Variants in TMEM59L observed in about 807,000 individuals in gnomAD.
TMEM59L encodes transmembrane protein 59-like.
In TMEM59L, 31 loss-of-function variants were observed where a neutral mutation model predicts 39.6. The ratio of observed to expected loss-of-function variants is 0.78; its 90% confidence interval spans 0.59 to 1.06. The LOEUF is 1.06. Among genes scored for constraint, TMEM59L ranks in the 50% least tolerant of loss-of-function variants. The probability of loss-of-function intolerance (pLI) is 0.00; values close to 1 mark genes in which losing one functional copy is unlikely to be tolerated. For missense variants in TMEM59L, 441 were observed against 451.3 expected (o/e 0.98, Z 0.21); for synonymous variants, 219 against 202.9 (o/e 1.08, Z -0.68).
In TMEM59L at chr19:18,614,121, G is replaced by A. The variant is rs1976402658; in HGVS notation, c.334G>A (p.Val112Met). 2 of 1,611,850 alleles carry A rather than the reference G, an allele frequency of 1.2e-6. No homozygotes were observed. The highest frequency in any genetic ancestry group is 1.7e-6 in the Non-Finnish European group (2 of 1,179,580). The stretch of plus-strand genomic sequence containing the variant: ...TCCCACAGCCTGCGTGGAAGCCTAT[G>A]TGAAGGAGGCAGAGCAGCAGGCCTG... ...ECEAACVEAY[V>M]KEAEQQACSH... The change falls in exon 3 of 8, where the codon GTG (valine) becomes ATG (methionine). Residue 112 changes from valine to methionine, a missense_variant. Coordinates refer to ENST00000262817, the MANE Select transcript of TMEM59L (RefSeq NM_012109.3).
intron 5 of TMEM59L, chr19:18,617,443 C>T (rs552540661): frequency 4.3e-4 from 208 of 480,672 alleles, no homozygotes; most frequent in African/African-American, 3.1e-3. Context: ...TTCCGTGTTC[C>T]GCCTCCCAGC....
intron 1 of TMEM59L, 122 bp downstream of exon 1, chr19:18,613,251 G>T: frequency 9.5e-7 from 1 of 1,055,450 alleles, no homozygotes; most frequent in Non-Finnish European, 1.2e-6. Context: ...CCGTGGGGAG[G>T]TGGGGGTCGG....
At chr19:18,619,182 G>A (rs893077887) in intron 7 of TMEM59L, among the ~76,000 whole-genome samples, 1 of 151,492 alleles carries the variant, frequency 6.6e-6, no homozygotes, top group South Asian at 2.1e-4. Context: ...TGTAGAGATG[G>A]GGACTATGTT....
At chr19:18,616,914 T>C in intron 4 of TMEM59L, 86 bp from the exon 5 acceptor site, 1 of 998,122 alleles carries the variant, frequency 1.0e-6, no homozygotes, top group Non-Finnish European at 1.5e-6. Context: ...CAGCTGGGCG[T>C]GGGACATGGC....
chr19:18,613,179 G>T, intron 1 of TMEM59L, 50 bp downstream of exon 1: 1 of 1,248,844 alleles, frequency 8.0e-7, no homozygotes, highest in Non-Finnish European at 1.0e-6. Flanking sequence ...GGATCTCTCC[G>T]AAGGAGGAGG....
intron 1 of TMEM59L, 29 bp from the exon 2 acceptor site, chr19:18,613,843 C>T (rs781356236): frequency 3.8e-6 from 6 of 1,565,616 alleles, no homozygotes; most frequent in Admixed American, 1.7e-5. Flanking sequence ...CTCCCCATGG[C>T]CTGAGCCCCC....
At chr19:18,619,044 T>TG (rs1489844409) in intron 7 of TMEM59L, among the ~76,000 whole-genome samples, 7 of 151,762 alleles carry the variant, frequency 4.6e-5, no homozygotes. Flanking sequence ...CAGGATGGAG[T>TG]GCAGTGGCAT....
chr19:18,614,399 G>C (rs1976406473), intron 3 of TMEM59L, among the ~76,000 whole-genome samples: 1 of 152,200 alleles, frequency 6.6e-6, no homozygotes, highest in Non-Finnish European at 1.5e-5. Context: ...ACCTTTTCAG[G>C]AATAAGTGGC....
intron 4 of TMEM59L, among the ~76,000 whole-genome samples, 184 bp from the exon 5 acceptor site, chr19:18,616,816 G>C (rs921200592): frequency 6.6e-6 from 1 of 152,164 alleles, no homozygotes; most frequent in African/African-American, 2.4e-5. Context: ...CTAAAGGATG[G>C]GGTTAAGGCA....
At chr19:18,618,687 A>ATG (rs1568447566) in intron 7 of TMEM59L, among the ~76,000 whole-genome samples, 195 bp downstream of exon 7, 1 of 131,404 alleles carries the variant, frequency 7.6e-6, no homozygotes, top group Non-Finnish European at 1.6e-5. Flanking sequence ...ATATATATAT[A>ATG]TAATATATAT....
chr19:18,616,284 T>C (rs943669436), intron 4 of TMEM59L, among the ~76,000 whole-genome samples, 157 bp downstream of exon 4: 3 of 152,244 alleles, frequency 2.0e-5, no homozygotes, highest in African/African-American at 7.2e-5. Context: ...CTCCATGCCT[T>C]GACTCTGCTT....
At chr19:18,617,372 CG>C (rs1568447109) in intron 5 of TMEM59L, 4 of 559,934 alleles carry the variant, frequency 7.1e-6, no homozygotes, top group Non-Finnish European at 1.4e-5. Flanking sequence ...ACCAGGGATC[CG>C]TGGTCCACCT....
chr19:18,615,934 A>G (rs761681635), intron 3 of TMEM59L, 41 bp from the exon 4 acceptor site: 1 of 1,604,068 alleles, frequency 6.2e-7, no homozygotes, highest in South Asian at 1.1e-5. Flanking sequence ...TTAATGCCCT[A>G]TTTCGGTGCC....
At chr19:18,613,725 T>C (rs1976395621) in intron 1 of TMEM59L, 147 bp from the exon 2 acceptor site, 4 of 639,352 alleles carry the variant, frequency 6.3e-6, no homozygotes, top group Admixed American at 5.7e-5. Flanking sequence ...CCACTAATAT[T>C]TGTAGCCTCT....
chr19:18,620,701 G>T lies in TMEM59L; in HGVS notation c.*165G>T, dbSNP rs564852734. 6.8e-6 allele frequency: 7 copies of T among 1,032,076 alleles called. No individual in the cohort carries two copies. The South Asian group carries it at 1.1e-4, about 16-fold the overall frequency. The allele number at this position is 1,032,076 out of a possible 1,614,324, so 63.9% of individuals were successfully genotyped here. On this transcript the variant is annotated 3_prime_UTR_variant, in exon 8 of 8. Transcript: ENST00000262817. The stretch of plus-strand genomic sequence containing the variant: ...CCTTGCCCCACGGAGTCCTGGGGAC[G>T]CAGTGCCCCAGCTGGGAAGAGGGCG...
intron 7 of TMEM59L, among the ~76,000 whole-genome samples, chr19:18,619,164 G>A (rs532924134): frequency 1.2e-3 from 186 of 151,870 alleles, no homozygotes; most frequent in African/African-American, 4.3e-3. Flanking sequence ...GCTAATTTTT[G>A]TATTTTTTGT....
At chr19:18,620,351 T>G in intron 7 of TMEM59L, 57 bp from the exon 8 acceptor site, 1 of 1,514,340 alleles carries the variant, frequency 6.6e-7, no homozygotes. Flanking sequence ...ACAGTCAGGG[T>G]TGGGGGCTCG....
chr19:18,613,195 G>T (rs958757641), intron 1 of TMEM59L, 66 bp downstream of exon 1: 2 of 1,243,362 alleles, frequency 1.6e-6, no homozygotes, highest in African/African-American at 1.6e-5. Context: ...GGAGGCGTTG[G>T]GATGGGCTTC....
chr19:18,619,803 CAAAA>C (rs1157288604), intron 7 of TMEM59L, among the ~76,000 whole-genome samples: 1 of 78,986 alleles, frequency 1.3e-5, no homozygotes. Flanking sequence ...GACTCCATCT[CAAAA>C]AAAAAAAAAA....
Sources: allele counts gnomAD v4.1 joint callset (sites outside exome capture counted in the v4.1 genomes callset), GRCh38; gene constraint gnomAD v4.1.1; transcripts MANE v1.5; gene names NCBI Gene and HGNC (gene_info 2026-07-23, HGNC 2026-07-21).